Variants in CEP112 observed in about 807,000 individuals in gnomAD.
The protein encoded by CEP112 is centrosomal protein 112.
In CEP112, 127 loss-of-function variants were observed where a neutral mutation model predicts 153.0. The observed-to-expected ratio is 0.83, with a 90% CI of 0.72 to 0.96. The LOEUF is 0.96. Among genes scored for constraint, CEP112 ranks in the 40% least tolerant of loss-of-function variants. The pLI, the probability that CEP112 is intolerant of heterozygous loss-of-function variation, is 0.00. For synonymous variants in CEP112, 358 were observed against 374.4 expected, an observed-to-expected ratio of 0.96 and a Z score of 0.51; for missense variants, 1,089 against 1,101.2, an observed-to-expected ratio of 0.99 and a Z score of 0.16.
chr17:65,858,499 T>A (rs1272997933), intron 20 of CEP112, among the ~76,000 whole-genome samples: 1 of 151,978 alleles, frequency 6.6e-6, no homozygotes, highest in African/African-American at 2.4e-5. Context: ...TAATATCTTA[T>A]TTTTTTAATC....
chr17:66,104,860 C>A (rs557255838), intron 6 of CEP112, among the ~76,000 whole-genome samples: 2 of 152,230 alleles, frequency 1.3e-5, no homozygotes, highest in Admixed American at 6.5e-5. Context: ...AACACCAGAC[C>A]TATCCTACAA....
At chr17:65,640,204 A>G (rs2045053882) in intron 25 of CEP112, among the ~76,000 whole-genome samples, 1 of 123,762 alleles carries the variant, frequency 8.1e-6, no homozygotes, top group Non-Finnish European at 1.6e-5. Context: ...TCCAGGCTGG[A>G]GTGCAGTGGT....
At chr17:65,677,787 C>A (rs1356960178) in intron 24 of CEP112, among the ~76,000 whole-genome samples, 1 of 152,064 alleles carries the variant, frequency 6.6e-6, no homozygotes, top group African/African-American at 2.4e-5. Context: ...GTGGCACACA[C>A]CTGTAATCTC....
chr17:66,049,264 T>C (rs1420428013), intron 12 of CEP112, among the ~76,000 whole-genome samples: 1 of 151,990 alleles, frequency 6.6e-6, no homozygotes, highest in Non-Finnish European at 1.5e-5. Context: ...GGACATGGGC[T>C]CACAGTCCAA....
At chr17:66,025,896 T>TAACTG (rs1200854017) in intron 16 of CEP112, among the ~76,000 whole-genome samples, 2 of 90,392 alleles carry the variant, frequency 2.2e-5, no homozygotes, top group African/African-American at 7.4e-5. Context: ...CATAAATGGA[T>TAACTG]GACTGGATAA....
intron 20 of CEP112, among the ~76,000 whole-genome samples, chr17:65,889,275 C>T (rs763077889): frequency 2.6e-5 from 4 of 152,180 alleles, no homozygotes; most frequent in Non-Finnish European, 4.4e-5. Context: ...CAGCCCACAA[C>T]CACTTCAGAA....
chr17:65,796,681 C>T (rs967462739), intron 21 of CEP112, among the ~76,000 whole-genome samples: 11 of 151,814 alleles, frequency 7.2e-5, no homozygotes, highest in South Asian at 2.1e-4. Context: ...CAGTTAAAGT[C>T]GAATATTGTA....
chr17:65,954,772 C>CTTG (rs776936590), intron 18 of CEP112, among the ~76,000 whole-genome samples: 51 of 152,078 alleles, frequency 3.4e-4, no homozygotes, highest in Non-Finnish European at 6.0e-4. Flanking sequence ...CCTCAGAGCT[C>CTTG]AAAGACAAGG....
chr17:66,157,843 C>T (rs1377373344), intron 4 of CEP112, among the ~76,000 whole-genome samples: 1 of 152,026 alleles, frequency 6.6e-6, no homozygotes, highest in African/African-American at 2.4e-5. Context: ...GCTAAGTATC[C>T]TAAGTATATA....
At chr17:65,970,711 T>C (rs62064277) in intron 17 of CEP112, among the ~76,000 whole-genome samples, 71,562 of 150,142 alleles carry the variant, frequency 0.48, 18,028 homozygotes, top group East Asian at 0.89. Context: ...TGCATACACA[T>C]GACATGTGCC....
intron 20 of CEP112, among the ~76,000 whole-genome samples, chr17:65,863,907 G>T (rs2058396069): frequency 6.6e-6 from 1 of 151,684 alleles, no homozygotes; most frequent in Non-Finnish European, 1.5e-5. Flanking sequence ...ACTTTGGGAG[G>T]CCAAGGCAAG....
chr17:66,183,386 A>C, intron 1 of CEP112, 79 bp from the exon 2 acceptor site: 1 of 991,396 alleles, frequency 1.0e-6, no homozygotes, highest in Non-Finnish European at 1.5e-6. Context: ...GATAAAAAAA[A>C]CTCTTAAGTG....
intron 4 of CEP112, 52 bp downstream of exon 4, chr17:66,174,992 A>T: frequency 7.6e-7 from 1 of 1,309,426 alleles, no homozygotes; most frequent in Admixed American, 2.6e-5. Flanking sequence ...AATCAGTTCC[A>T]AAGACAGACT....
chr17:65,889,539 CT>C (rs915442921), intron 20 of CEP112, among the ~76,000 whole-genome samples: 2 of 152,062 alleles, frequency 1.3e-5, no homozygotes, highest in African/African-American at 4.8e-5. Context: ...CTTTCTTAGT[CT>C]TCTTGTCCAG....
At chr17:65,823,483 A>T (rs768331899) in intron 21 of CEP112, among the ~76,000 whole-genome samples, 191 of 152,198 alleles carry the variant, frequency 1.3e-3, no homozygotes, top group Non-Finnish European at 1.5e-3. Flanking sequence ...CTTAATCCAT[A>T]TATTGCACCA....
At chr17:65,940,212 T>C (rs2061466142) in intron 18 of CEP112, among the ~76,000 whole-genome samples, 2 of 152,166 alleles carry the variant, frequency 1.3e-5, no homozygotes, top group Admixed American at 1.3e-4. Context: ...TTAGAACAGT[T>C]TTTATCAAAA....
intron 10 of CEP112, among the ~76,000 whole-genome samples, chr17:66,066,151 A>G (rs758566687): frequency 7.9e-5 from 12 of 152,144 alleles, no homozygotes; most frequent in Admixed American, 4.6e-4. Context: ...AGATGTTTCG[A>G]CCCATAATCA....
rs1014480381 is a variant in CEP112 at position 66,168,561 on chromosome 17, A to T, written c.470+6483T>A. Among the ~76,000 whole-genome samples the T allele has an allele frequency of 2.8e-4, 42 of 151,530 alleles. 1 individual carries two copies. Among genetic ancestry groups the T allele is most frequent in the African/African-American group, 4.4e-4 (18 of 41,206 alleles). On this transcript the variant is annotated intron_variant, in intron 4 of 26. Coordinates refer to ENST00000535342, the MANE Select transcript of CEP112 (RefSeq NM_001199165.4). ...TGTGTGTGTGTGTATATATATATAT[A>T]TTTTTAACCATTGCACAAGATGTTG...
intron 21 of CEP112, among the ~76,000 whole-genome samples, chr17:65,817,046 G>A (rs746900634): frequency 1.6e-4 from 25 of 151,884 alleles, no homozygotes; most frequent in Non-Finnish European, 3.2e-4. Flanking sequence ...AAGTATCTGT[G>A]AAAGCAAAAA....
Sources: gnomAD v4.1 joint callset for allele counts (sites outside exome capture counted in the v4.1 genomes callset) on GRCh38, gnomAD v4.1.1 for gene constraint, MANE v1.5 for transcripts, NCBI Gene and HGNC (gene_info 2026-07-23, HGNC 2026-07-21) for gene names.